Variants in TYW5 observed in about 807,000 individuals in gnomAD.
The protein encoded by TYW5 is tRNA-yW synthesizing protein 5, also known as tRNA wybutosine-synthesizing protein 5.
Under a neutral mutation model 44.4 loss-of-function variants are expected in TYW5, and 36 were observed. That is an observed-to-expected ratio of 0.81 (90% CI 0.62 to 1.07). The LOEUF (loss-of-function observed/expected upper bound fraction) is 1.07, where lower values mean the gene tolerates loss of function less well. Ranked by LOEUF, TYW5 falls within the 50% of genes least tolerant of loss-of-function variation. TYW5 has a pLI of 0.00. For synonymous variants in TYW5, 121 were observed against 128.1 expected, an observed-to-expected ratio of 0.94 and a Z score of 0.37; for missense variants, 354 against 365.7, an observed-to-expected ratio of 0.97 and a Z score of 0.26.
intron 3 of TYW5, among the ~76,000 whole-genome samples, chr2:199,940,829 G>C (rs962647886): frequency 1.3e-5 from 2 of 151,912 alleles, no homozygotes; most frequent in African/African-American, 4.8e-5. Flanking sequence ...TATTTTAATA[G>C]TGTCTTAATA....
chr2:199,940,236 TA>T, intron 3 of TYW5, 103 bp from the exon 4 acceptor site: 23 of 1,052,906 alleles, frequency 2.2e-5, no homozygotes, highest in South Asian at 3.4e-5. Context: ...TAATTAAAAG[TA>T]AAAAAAAGAA....
intron 7 of TYW5, among the ~76,000 whole-genome samples, chr2:199,935,658 ACTT>A (rs2077412451): frequency 6.7e-6 from 1 of 148,598 alleles, no homozygotes; most frequent in Admixed American, 6.7e-5. Flanking sequence ...AGACCTGTTA[ACTT>A]ATAGGCCAAA....
In TYW5 at chr2:199,948,463, G is replaced by T. The variant is rs759789159; in HGVS notation, c.88C>A (p.Leu30Ile). Residue 30 changes from leucine to isoleucine, a missense_variant, in exon 2 of 8, where the codon CTT becomes ATT. Leu to Ile is a conservative substitution (Grantham distance 5, BLOSUM62 2). Transcript: ENST00000354611. ...CCCAAATCAATCCCTTCCAACACAA[G>T]AGGTTTTCTCTGTAAGTGGGGAAAG... ...MQHLYPQRKPLVLEGIDLGPC... is the reference protein window; with the variant it reads ...MQHLYPQRKPIVLEGIDLGPC... The T allele has an allele frequency of 1.2e-6, 2 of 1,613,872 alleles. No individual in the cohort carries two copies. The highest frequency in any genetic ancestry group is 8.5e-7 in the Non-Finnish European group (1 of 1,179,956).
rs370493615 is a variant in TYW5, at chr2:199,938,972, T to G, written c.447A>C (p.Arg149=). ...KEEQFFSSVF[R]ISSPGLQLWT... The stretch of plus-strand genomic sequence containing the variant: ...ATAGTTGTAATCCTGGTGAACTAAT[T>G]CGAAAAACACTGGAAAAGAACTGTT... The change falls in exon 5 of 8, where the codon CGA becomes CGC. Residue 149 remains arginine, a synonymous_variant. Transcript: ENST00000354611. 1 of 1,613,494 alleles carries G rather than the reference T, an allele frequency of 6.2e-7. No individual in the cohort carries two copies. The highest frequency in any genetic ancestry group is 1.3e-5 in the African/African-American group (1 of 75,018).
At chr2:199,954,754 T>C (rs1051237640) in intron 1 of TYW5, among the ~76,000 whole-genome samples, 1 of 152,196 alleles carries the variant, frequency 6.6e-6, no homozygotes, top group Admixed American at 6.5e-5. Flanking sequence ...ACCACCCTTA[T>C]AAATGTAAAT....
intron 5 of TYW5, among the ~76,000 whole-genome samples, chr2:199,937,737 T>C (rs1332297782): frequency 6.6e-6 from 1 of 152,152 alleles, no homozygotes; most frequent in Non-Finnish European, 1.5e-5. Context: ...ACCACATGAT[T>C]TTCTCACCAT....
At chr2:199,933,471 T>C in intron 7 of TYW5, 148 bp from the exon 8 acceptor site, 1 of 678,170 alleles carries the variant, frequency 1.5e-6, no homozygotes, top group East Asian at 2.7e-5. Context: ...TCCAGGCTTT[T>C]AACAGAATCA....
At chr2:199,953,096 C>T (rs2077559222) in intron 1 of TYW5, among the ~76,000 whole-genome samples, 1 of 152,170 alleles carries the variant, frequency 6.6e-6, no homozygotes, top group South Asian at 2.1e-4. Context: ...CTGAGATGGG[C>T]GGATCACCTG....
rs576487270 is a variant in TYW5, at chr2:199,933,053, A to G, written c.*14T>C. 30 of 1,612,406 alleles carry G rather than the reference A, an allele frequency of 1.9e-5. No homozygotes were observed. The South Asian group carries it at 3.2e-4, about 17-fold the overall frequency. Reference sequence around the variant, plus strand: ...TTACTAAAGTGTTAATGTGCATTGCATTCACTTCATTATTTACTCAGAGTT... The same window carrying G: ...TTACTAAAGTGTTAATGTGCATTGCGTTCACTTCATTATTTACTCAGAGTT... On this transcript the variant is annotated 3_prime_UTR_variant, in exon 8 of 8. Coordinates refer to ENST00000354611, the MANE Select transcript of TYW5 (RefSeq NM_001039693.3).
chr2:199,938,749 T>C (rs1280558158), intron 5 of TYW5, among the ~76,000 whole-genome samples, 184 bp downstream of exon 5: 2 of 152,244 alleles, frequency 1.3e-5, no homozygotes, highest in African/African-American at 4.8e-5. Context: ...CCAACTAGGC[T>C]TTGCCATTAG....
chr2:199,949,323 G>A (rs1207737634), intron 1 of TYW5, among the ~76,000 whole-genome samples: 4 of 152,062 alleles, frequency 2.6e-5, no homozygotes, highest in African/African-American at 7.2e-5. Flanking sequence ...AGCTGAGGTC[G>A]CACCATTGTA....
intron 1 of TYW5, among the ~76,000 whole-genome samples, chr2:199,949,001 A>G (rs1424580492): frequency 2.0e-5 from 3 of 152,150 alleles, no homozygotes; most frequent in Non-Finnish European, 2.9e-5. Flanking sequence ...AAACTTAAGT[A>G]TATTTTCTGA....
intron 3 of TYW5, chr2:199,943,282 A>C (rs1297530920): frequency 6.6e-6 from 1 of 152,434 alleles, no homozygotes. Context: ...AATCCTGAAC[A>C]AATATTACAG....
chr2:199,940,226 T>C (rs1420408649), intron 3 of TYW5, 93 bp from the exon 4 acceptor site: 2 of 1,133,362 alleles, frequency 1.8e-6, no homozygotes, highest in Non-Finnish European at 1.3e-6. Flanking sequence ...GTATTCATAA[T>C]AATTAAAAGT....
At chr2:199,953,740 G>C (rs1227034890) in intron 1 of TYW5, among the ~76,000 whole-genome samples, 2 of 152,116 alleles carry the variant, frequency 1.3e-5, no homozygotes, top group Non-Finnish European at 2.9e-5. Context: ...CAGATAGAAA[G>C]GTCTTTTTTT....
chr2:199,941,161 C>T (rs1211070293), intron 3 of TYW5, among the ~76,000 whole-genome samples: 2 of 152,164 alleles, frequency 1.3e-5, no homozygotes, highest in Non-Finnish European at 2.9e-5. Context: ...TGGTCTCAGG[C>T]AATCCTCCTG....
chr2:199,940,114 C>G lies in TYW5; in HGVS notation c.323G>C (p.Arg108Pro), dbSNP rs1467768621. The change falls in exon 4 of 8, where the codon CGG (arginine) becomes CCG (proline). Residue 108 changes from arginine to proline, a missense_variant. Transcript: ENST00000354611. ...FVSEDEKYYLRSLGEDPRKDV... is the reference protein window; with the variant it reads ...FVSEDEKYYLPSLGEDPRKDV... ...CTTTCTAGGGTCTTCTCCAAGTGAC[C>G]GTAAGTAGTATTTCTCATCCTTAAA... The G allele has an allele frequency of 3.1e-6, 5 of 1,611,826 alleles. 1 individual carries two copies. The highest frequency in any genetic ancestry group is 4.2e-6 in the Non-Finnish European group (5 of 1,179,092).
chr2:199,955,359 T>C, intron 1 of TYW5, 34 bp downstream of exon 1: 3 of 1,607,604 alleles, frequency 1.9e-6, no homozygotes, highest in Non-Finnish European at 1.7e-6. Flanking sequence ...CTCTCGCTGG[T>C]TTCTCGAGGT....
chr2:199,948,435 G>A lies in TYW5; in HGVS notation c.116C>T (p.Pro39Leu). The A allele has an allele frequency of 6.2e-7, 1 of 1,614,000 alleles. No individual in the cohort carries two copies. Among genetic ancestry groups the A allele is most frequent in the Non-Finnish European group, 8.5e-7 (1 of 1,179,992 alleles). The change falls in exon 2 of 8, where the codon CCA becomes CTA. Residue 39 changes from proline (P) to leucine (L), a missense_variant. Physicochemically the swap from Pro to Leu is moderately conservative, Grantham distance 98. Coordinates refer to ENST00000354611, the MANE Select transcript of TYW5 (RefSeq NM_001039693.3). ...ATCCACTGTCCATTTGCTTGTACATGGCCCCAAATCAATCCCTTCCAACAC... is the reference window on the plus strand; with the variant it reads ...ATCCACTGTCCATTTGCTTGTACATAGCCCCAAATCAATCCCTTCCAACAC... ...PLVLEGIDLGPCTSKWTVDYL... is the reference protein window; with the variant it reads ...PLVLEGIDLGLCTSKWTVDYL...
Sources: allele counts gnomAD v4.1 joint callset (sites outside exome capture counted in the v4.1 genomes callset), GRCh38; gene constraint gnomAD v4.1.1; transcripts MANE v1.5; gene names NCBI Gene and HGNC (gene_info 2026-07-23, HGNC 2026-07-21).